The following BTBD7 variants were observed in gnomAD, a reference collection of about 807,000 sequenced individuals.
The protein encoded by BTBD7 is BTB/POZ domain-containing protein 7.
A neutral mutation model predicts 99.9 loss-of-function variants in BTBD7; 38 were observed. The ratio of observed to expected loss-of-function variants is 0.38; its 90% CI spans 0.29 to 0.50. BTBD7 has a LOEUF of 0.50. Ranked by LOEUF, BTBD7 falls within the 20% of genes least tolerant of loss-of-function variation. The pLI, the probability that BTBD7 is intolerant of heterozygous loss-of-function variation, is 0.93. For synonymous variants in BTBD7, 520 were observed against 511.4 expected (o/e 1.02, Z -0.23); for missense variants, 1,170 against 1,394.6 (o/e 0.84, Z 2.57).
At chr14:93,271,424 T>C (rs895015501) in intron 3 of BTBD7, among the ~76,000 whole-genome samples, 1 of 152,130 alleles carries the variant, frequency 6.6e-6, no homozygotes, top group African/African-American at 2.4e-5. Flanking sequence ...CAGCTTGCCA[T>C]GCAACATAAA....
intron 3 of BTBD7, among the ~76,000 whole-genome samples, chr14:93,265,921 C>T (rs895894206): frequency 3.3e-5 from 5 of 152,040 alleles, no homozygotes; most frequent in Non-Finnish European, 7.4e-5. Flanking sequence ...GACTCTGTCT[C>T]GAAACAAACA....
In BTBD7 at chr14:93,240,383, A is replaced by T. The variant is rs974079407; in HGVS notation, c.*1890T>A. ...TGTATATCCACAGGGTAAAGGAGGA[A>T]AAGACCGTAAGAGAAACTATAGTTT... On this transcript the variant is annotated 3_prime_UTR_variant, in exon 11 of 11. Coordinates refer to ENST00000334746, the MANE Select transcript of BTBD7 (RefSeq NM_001002860.4). 7 of 152,654 alleles carry T rather than the reference A, an allele frequency of 4.6e-5. No homozygotes were observed. The highest frequency in any genetic ancestry group is 2.0e-4 in the Admixed American group (3 of 15,282). 9.5% of individuals were successfully genotyped at this position (152,654 alleles called of 1,614,324 possible).
At position 93,332,974 on chromosome 14, in the gene BTBD7, G is replaced by T. The variant is rs1053023016; in HGVS notation, c.-261C>A. 1.6e-5 allele frequency: 10 copies of T among 628,582 alleles called. No homozygotes were observed. The Admixed American group carries it at 3.7e-4, about 23-fold the overall frequency. 38.9% of individuals were successfully genotyped at this position (628,582 alleles called of 1,614,324 possible). The stretch of plus-strand genomic sequence containing the variant: ...CGCCGCCCTCTCCTCTCCTGTCAGT[G>T]GCTCAGGCTCCGGGACTGCTCCAGG... On this transcript the variant is annotated 5_prime_UTR_variant, in exon 1 of 11. Transcript: ENST00000334746.
At chr14:93,325,337 TGACCTCAGGTGATCTGCC>T (rs1171435252) in intron 1 of BTBD7, among the ~76,000 whole-genome samples, 5 of 150,294 alleles carry the variant, frequency 3.3e-5, no homozygotes, top group East Asian at 3.9e-4. Flanking sequence ...CTTGAACTCC[TGACCTCAGGTGATCTGCC>T]GACCTCAGGT....
At chr14:93,257,151 C>T (rs1445725432) in intron 6 of BTBD7, 44 bp downstream of exon 6, 9 of 1,575,180 alleles carry the variant, frequency 5.7e-6, no homozygotes, top group African/African-American at 1.4e-5. Context: ...ATACACCTGG[C>T]ATTTTTCTTT....
At chr14:93,280,663 T>C (rs1566847145) in intron 3 of BTBD7, among the ~76,000 whole-genome samples, 1 of 152,162 alleles carries the variant, frequency 6.6e-6, no homozygotes, top group Non-Finnish European at 1.5e-5. Flanking sequence ...AGTAATCCCC[T>C]TGTGGAGACA....
chr14:93,288,753 CCT>C (rs750583432), intron 3 of BTBD7: 29 of 1,598,882 alleles, frequency 1.8e-5, no homozygotes, highest in South Asian at 7.9e-5. Context: ...TTTTATAACC[CCT>C]GAGTGTAATT....
chr14:93,332,463 A>T (rs1364730181), intron 1 of BTBD7: 1 of 160,272 alleles, frequency 6.2e-6, no homozygotes, highest in Non-Finnish European at 1.4e-5. Context: ...CCTGGGAGCG[A>T]CGGGTCCCGC....
intron 1 of BTBD7, among the ~76,000 whole-genome samples, chr14:93,324,383 C>T (rs891932230): frequency 6.7e-6 from 1 of 148,504 alleles, no homozygotes; most frequent in African/African-American, 2.5e-5. Flanking sequence ...GATTGTATCA[C>T]TGCACTCCAG....
chr14:93,245,666 G>A (rs539995842), intron 10 of BTBD7, among the ~76,000 whole-genome samples, 159 bp downstream of exon 10: 2 of 152,210 alleles, frequency 1.3e-5, no homozygotes, highest in South Asian at 2.1e-4. Context: ...GTACACTAGC[G>A]TTTTTCCCTC....
chr14:93,314,947 T>C (rs1288674211), intron 1 of BTBD7, among the ~76,000 whole-genome samples: 1 of 149,444 alleles, frequency 6.7e-6, no homozygotes, highest in East Asian at 1.9e-4. Context: ...ATTTGCAACA[T>C]TTTCTATATT....
chr14:93,270,311 GTCTTGAACTCCTGA>G (rs1207493248), intron 3 of BTBD7, among the ~76,000 whole-genome samples: 1 of 151,942 alleles, frequency 6.6e-6, no homozygotes, highest in Non-Finnish European at 1.5e-5. Context: ...GGCCAGGCTA[GTCTTGAACTCCTGA>G]CCTCAGGTGA....
At chr14:93,324,273 C>A (rs1276565282) in intron 1 of BTBD7, among the ~76,000 whole-genome samples, 1 of 151,954 alleles carries the variant, frequency 6.6e-6, no homozygotes. Flanking sequence ...CCTGCCTCTA[C>A]AAATAATTTT....
intron 1 of BTBD7, among the ~76,000 whole-genome samples, chr14:93,308,842 G>C (rs2053103630): frequency 6.6e-6 from 1 of 152,200 alleles, no homozygotes; most frequent in South Asian, 2.1e-4. Context: ...TCAGGGGCTG[G>C]GAAGTTAGTG....
Position 93,245,809 on chromosome 14 carries a change from T to C in BTBD7, c.2583+16A>G. Reference sequence around the variant, plus strand: ...ATAAACCGAATTTGAAGCAAGTTACTGAAGTGTTGACTTACCACTTGCTTC... The same window carrying C: ...ATAAACCGAATTTGAAGCAAGTTACCGAAGTGTTGACTTACCACTTGCTTC... On this transcript the variant is annotated intron_variant, in intron 10 of 10. Coordinates refer to ENST00000334746, the MANE Select transcript of BTBD7 (RefSeq NM_001002860.4). 6.2e-7 allele frequency: 1 copy of C among 1,604,482 alleles called. No homozygotes were observed. The highest frequency in any genetic ancestry group is 8.5e-7 in the Non-Finnish European group (1 of 1,175,426).
intron 9 of BTBD7, among the ~76,000 whole-genome samples, 192 bp from the exon 10 acceptor site, chr14:93,246,478 G>A (rs1010182012): frequency 3.3e-5 from 5 of 152,248 alleles, no homozygotes; most frequent in African/African-American, 1.2e-4. Context: ...GGCACAGAGT[G>A]CAGCCTAGGA....
At chr14:93,285,019 A>G (rs1223653226) in intron 3 of BTBD7, among the ~76,000 whole-genome samples, 1 of 152,190 alleles carries the variant, frequency 6.6e-6, no homozygotes, top group East Asian at 1.9e-4. Context: ...GCATGTTTGA[A>G]ACCTGCATTT....
At chr14:93,274,360 T>A (rs1483739384) in intron 3 of BTBD7, among the ~76,000 whole-genome samples, 1 of 152,202 alleles carries the variant, frequency 6.6e-6, no homozygotes, top group Non-Finnish European at 1.5e-5. Flanking sequence ...CCTTTGTATC[T>A]TTTGTTGTCT....
intron 7 of BTBD7, among the ~76,000 whole-genome samples, chr14:93,252,166 C>T (rs1257054928): frequency 2.0e-5 from 3 of 151,964 alleles, no homozygotes; most frequent in African/African-American, 7.3e-5. Context: ...ACAAATTAGC[C>T]AGATGTGGTG....
Sources: allele counts gnomAD v4.1 joint callset (sites outside exome capture counted in the v4.1 genomes callset), GRCh38; gene constraint gnomAD v4.1.1; transcripts MANE v1.5; gene names NCBI Gene and HGNC (gene_info 2026-07-23, HGNC 2026-07-21).